Variants in TSC22D3 observed in about 807,000 individuals in gnomAD.
TSC22D3 encodes TSC22 domain family protein 3.
TSC22D3 carries 4 observed loss-of-function variants against 11.1 expected under a neutral mutation model. That is an observed-to-expected ratio of 0.36 (90% confidence interval 0.18 to 0.83). TSC22D3 has a LOEUF of 0.83. Ranked by LOEUF, TSC22D3 falls within the 40% of genes least tolerant of loss-of-function variation. The pLI, the probability that TSC22D3 is intolerant of heterozygous loss-of-function variation, is 0.48. For synonymous variants in TSC22D3, 77 were observed against 70.3 expected (o/e 1.10, Z -0.48); for missense variants, 118 against 159.4 (o/e 0.74, Z 1.40).
rs140817940 is a variant in TSC22D3 at position 107,752,991 on chromosome X, C to T, written c.320+22109G>A. The stretch of plus-strand genomic sequence containing the variant: ...TGTGGGCTGCAGGAACCAGAGAAGC[C>T]CCATCCACTCAGGTTGCCACTAGCT... On this transcript the variant is annotated intron_variant, in intron 1 of 2. Coordinates refer to ENST00000372383, the MANE Select transcript of TSC22D3 (RefSeq NM_198057.3). 6.9e-3 allele frequency among the ~76,000 whole-genome samples: 769 copies of T among 111,894 alleles called. 4 individuals are homozygous for T. Among genetic ancestry groups the T allele is most frequent in the Non-Finnish European group, 0.012 (622 of 53,103 alleles).
intron 1 of TSC22D3, 92 bp from the exon 2 acceptor site, chrX:107,716,042 GC>G: frequency 1.0e-6 from 1 of 977,720 alleles, no homozygotes; most frequent in Non-Finnish European, 1.4e-6. Flanking sequence ...ATCTGCCTCG[GC>G]TCTTCCTCTC....
At chrX:107,718,744 T>A (rs1213735453) in intron 1 of TSC22D3, among the ~76,000 whole-genome samples, 2 of 112,657 alleles carry the variant, frequency 1.8e-5, no homozygotes, top group African/African-American at 6.5e-5. Flanking sequence ...GTAAACCTGC[T>A]GCACTAGCCC....
At chrX:107,747,834 A>G (rs1928742664) in intron 1 of TSC22D3, among the ~76,000 whole-genome samples, 1 of 112,759 alleles carries the variant, frequency 8.9e-6, no homozygotes, top group Admixed American at 9.4e-5. Context: ...ACATGCCCAT[A>G]AAGGCAGATT....
chrX:107,745,428 T>C (rs949445820), intron 1 of TSC22D3, among the ~76,000 whole-genome samples: 3 of 112,554 alleles, frequency 2.7e-5, no homozygotes, highest in Non-Finnish European at 5.6e-5. Context: ...TGTATTAGCA[T>C]ATACCTTGTT....
chrX:107,765,405 C>T (rs1333749957), intron 1 of TSC22D3, among the ~76,000 whole-genome samples: 1 of 112,237 alleles, frequency 8.9e-6, no homozygotes, highest in Admixed American at 9.4e-5. Context: ...TCCACTCCTT[C>T]CTGCTATACC....
At chrX:107,733,420 A>C (rs1477709422) in intron 1 of TSC22D3, among the ~76,000 whole-genome samples, 3 of 111,992 alleles carry the variant, frequency 2.7e-5, no homozygotes, top group East Asian at 2.8e-4. Flanking sequence ...CTTCACAAAA[A>C]AAAATGCCAG....
At chrX:107,763,988 T>A (rs1317472689) in intron 1 of TSC22D3, among the ~76,000 whole-genome samples, 1 of 112,544 alleles carries the variant, frequency 8.9e-6, no homozygotes, top group Non-Finnish European at 1.9e-5. Flanking sequence ...CTTCAGTGGT[T>A]ACTCAGAAAG....
At chrX:107,717,845 A>T (rs1927131447) in intron 1 of TSC22D3, among the ~76,000 whole-genome samples, 1 of 112,129 alleles carries the variant, frequency 8.9e-6, no homozygotes, top group African/African-American at 3.2e-5. Flanking sequence ...TGACCACAAG[A>T]TGCCAGCCCT....
At position 107,744,408 on chromosome X, in the gene TSC22D3, G is replaced by A. The variant is rs868532056; in HGVS notation, c.321-28458C>T. On this transcript the variant is annotated intron_variant, in intron 1 of 2. Transcript: ENST00000372383. ...AGGCGGGCGGATTGCTTGAGCCCAGGAGGCAGAGGTTGCAGTGAGCCGAGA... is the reference window on the plus strand; with the variant it reads ...AGGCGGGCGGATTGCTTGAGCCCAGAAGGCAGAGGTTGCAGTGAGCCGAGA... Among the ~76,000 whole-genome samples, 318 of 110,917 alleles carry A rather than the reference G, an allele frequency of 2.9e-3. 12 individuals carry two copies. The highest frequency in any genetic ancestry group is 0.018 in the Middle Eastern group (4 of 217).
Position 107,715,101 on chromosome X carries a change from A to C in TSC22D3, c.373-352T>G, listed in dbSNP as rs570759825. On this transcript the variant is annotated intron_variant, in intron 2 of 2. Transcript: ENST00000372383. ...TGGTTTGCTATGTCCCCCTTTTTAC[A>C]TAAGCCCCTACTGCTGCCGATCCAG... Among the ~76,000 whole-genome samples, 109 of 111,920 alleles carry C rather than the reference A, an allele frequency of 9.7e-4. 2 individuals are homozygous for C. The South Asian group carries it at 0.038, about 40-fold the overall frequency.
chrX:107,745,657 C>A (rs1038690899), intron 1 of TSC22D3, among the ~76,000 whole-genome samples: 1 of 112,429 alleles, frequency 8.9e-6, no homozygotes, highest in South Asian at 3.6e-4. Context: ...AAGTAGCCTG[C>A]GACCTATATT....
chrX:107,743,485 AT>A (rs1569451466), intron 1 of TSC22D3, among the ~76,000 whole-genome samples: 8 of 112,006 alleles, frequency 7.1e-5, no homozygotes, highest in Non-Finnish European at 1.5e-4. Context: ...GGTCCTAGCC[AT>A]GGTTGAAAGA....
chrX:107,739,409 C>T (rs1237952386), intron 1 of TSC22D3, among the ~76,000 whole-genome samples: 1 of 112,687 alleles, frequency 8.9e-6, no homozygotes, highest in East Asian at 2.8e-4. Context: ...CACACATGCA[C>T]CCTTTCAGGG....
intron 1 of TSC22D3, among the ~76,000 whole-genome samples, chrX:107,765,587 C>T (rs1345105557): frequency 8.9e-6 from 1 of 112,708 alleles, no homozygotes; most frequent in Non-Finnish European, 1.9e-5. Context: ...GGTACAAGGC[C>T]GAATGAGGTG....
chrX:107,720,550 G>C (rs752458500), intron 1 of TSC22D3, among the ~76,000 whole-genome samples: 2 of 111,013 alleles, frequency 1.8e-5, no homozygotes, highest in Non-Finnish European at 3.8e-5. Flanking sequence ...AAAATTAGCC[G>C]GGCATGGTGG....
chrX:107,772,797 G>A (rs934686272), intron 1 of TSC22D3, among the ~76,000 whole-genome samples: 7 of 111,895 alleles, frequency 6.3e-5, no homozygotes, highest in African/African-American at 2.0e-4. Context: ...GCTGCAGTGA[G>A]CTGTGATCAT....
At position 107,775,171 on chromosome X, in the gene TSC22D3, G is replaced by A. The variant is rs1211162685; in HGVS notation, c.249C>T (p.Tyr83=). 5.8e-6 allele frequency: 7 copies of A among 1,212,082 alleles called. No homozygotes were observed. Among genetic ancestry groups the A allele is most frequent in the East Asian group, 3.0e-5 (1 of 33,840 alleles). The change falls in exon 1 of 3, where the codon TAC becomes TAT. Residue 83 remains tyrosine (Y), a synonymous_variant. Coordinates refer to ENST00000372383, the MANE Select transcript of TSC22D3 (RefSeq NM_198057.3). ...SLEPVLRDPC[Y]LINEGICNRN... is the part of the protein sequence containing the mutation. ...GGTTGCAGATGCCCTCGTTGATCAGGTAGCAGGGGTCCCGCAGCACCGGCT... is the reference window on the plus strand; with the variant it reads ...GGTTGCAGATGCCCTCGTTGATCAGATAGCAGGGGTCCCGCAGCACCGGCT...
chrX:107,734,351 A>G (rs912698410), intron 1 of TSC22D3, among the ~76,000 whole-genome samples: 1 of 112,520 alleles, frequency 8.9e-6, no homozygotes, highest in Non-Finnish European at 1.9e-5. Context: ...GTGTCTCCCA[A>G]ATTGTGGGGG....
At chrX:107,727,085 C>T (rs749210601) in intron 1 of TSC22D3, among the ~76,000 whole-genome samples, 4 of 111,584 alleles carry the variant, frequency 3.6e-5, no homozygotes, top group South Asian at 7.5e-4. Context: ...GGACTCAGCA[C>T]GATTGGGAGA....
Sources: allele counts gnomAD v4.1 joint callset (sites outside exome capture counted in the v4.1 genomes callset), GRCh38; gene constraint gnomAD v4.1.1; transcripts MANE v1.5; gene names NCBI Gene and HGNC (gene_info 2026-07-23, HGNC 2026-07-21).